The following B4GALNT3 variants were observed in gnomAD, a reference collection of about 807,000 sequenced individuals.
B4GALNT3 encodes the protein beta-1,4-N-acetylgalactosaminyltransferase 3.
A neutral mutation model predicts 120.2 loss-of-function variants in B4GALNT3; 86 were observed. The observed-to-expected ratio is 0.72, with a 90% confidence interval of 0.60 to 0.86. The LOEUF (loss-of-function observed/expected upper bound fraction) is 0.86. Among genes scored for constraint, B4GALNT3 ranks in the 40% least tolerant of loss-of-function variants. The probability of loss-of-function intolerance (pLI) is 0.00; values close to 1 mark genes in which losing one functional copy is unlikely to be tolerated. For missense variants in B4GALNT3, 1,167 were observed against 1,298.9 expected (o/e 0.90, Z 1.56); for synonymous variants, 518 against 510.4 (o/e 1.01, Z -0.20).
intron 19 of B4GALNT3, among the ~76,000 whole-genome samples, chr12:561,069 T>C (rs1299305321): frequency 1.3e-5 from 2 of 152,212 alleles, no homozygotes; most frequent in Non-Finnish European, 2.9e-5. Context: ...ATTAGATAGA[T>C]AGAATTCTAT....
chr12:467,274 T>TG (rs972749698), intron 1 of B4GALNT3, among the ~76,000 whole-genome samples: 1 of 152,124 alleles, frequency 6.6e-6, no homozygotes, highest in African/African-American at 2.4e-5. Context: ...ATAAAAATAA[T>TG]GCAGCCAGGT....
intron 1 of B4GALNT3, among the ~76,000 whole-genome samples, chr12:469,903 C>T (rs1044073677): frequency 2.4e-4 from 37 of 152,302 alleles, no homozygotes; most frequent in African/African-American, 8.7e-4. Flanking sequence ...CCTCCCACCT[C>T]AGCCTTCCAA....
chr12:549,652 C>T (rs1032700620), intron 9 of B4GALNT3, 117 bp from the exon 10 acceptor site: 46 of 1,317,698 alleles, frequency 3.5e-5, no homozygotes, highest in Admixed American at 2.0e-5. Flanking sequence ...GCACATCCTA[C>T]ACCGTCGCCG....
intron 1 of B4GALNT3, among the ~76,000 whole-genome samples, chr12:502,466 G>A (rs1946454209): frequency 6.6e-6 from 1 of 152,132 alleles, no homozygotes; most frequent in Non-Finnish European, 1.5e-5. Context: ...GGTTCCAAAT[G>A]ATGAGGACAG....
intron 1 of B4GALNT3, among the ~76,000 whole-genome samples, chr12:508,548 A>G (rs1946518715): frequency 6.6e-6 from 1 of 152,210 alleles, no homozygotes; most frequent in African/African-American, 2.4e-5. Context: ...TGTTTAAATT[A>G]TACCCGAGGT....
intron 1 of B4GALNT3, among the ~76,000 whole-genome samples, chr12:508,297 G>A (rs916052579): frequency 3.3e-5 from 5 of 152,050 alleles, no homozygotes; most frequent in Admixed American, 3.3e-4. Flanking sequence ...TTTAGACAGG[G>A]TCTTGCTCCA....
chr12:555,436 G>C, intron 14 of B4GALNT3: 1 of 452,874 alleles, frequency 2.2e-6, no homozygotes, highest in Non-Finnish European at 4.4e-6. Flanking sequence ...CCTCGATATT[G>C]CTGAGTAATA....
At chr12:515,299 G>T (rs1178285212) in intron 1 of B4GALNT3, among the ~76,000 whole-genome samples, 1 of 151,964 alleles carries the variant, frequency 6.6e-6, no homozygotes. Context: ...CGGTTCTCCT[G>T]CCTCAGCCTC....
At chr12:492,624 T>G (rs560859626) in intron 1 of B4GALNT3, among the ~76,000 whole-genome samples, 2 of 152,260 alleles carry the variant, frequency 1.3e-5, no homozygotes, top group African/African-American at 4.8e-5. Flanking sequence ...ATTCTAAAAT[T>G]TATATGGAGA....
At chr12:469,941 C>G (rs951150901) in intron 1 of B4GALNT3, among the ~76,000 whole-genome samples, 1 of 152,110 alleles carries the variant, frequency 6.6e-6, no homozygotes, top group Non-Finnish European at 1.5e-5. Context: ...CATGAGCCAC[C>G]GCGCATGGCC....
At chr12:546,294 G>T (rs934473170) in intron 6 of B4GALNT3, among the ~76,000 whole-genome samples, 1 of 150,990 alleles carries the variant, frequency 6.6e-6, no homozygotes, top group Non-Finnish European at 1.5e-5. Flanking sequence ...CAGAGAGTGC[G>T]GACAGGGAGG....
chr12:543,167 G>T (rs1449236195), intron 3 of B4GALNT3: 7 of 1,289,520 alleles, frequency 5.4e-6, no homozygotes, highest in Non-Finnish European at 7.1e-6. Context: ...AGCAGACCTT[G>T]TCCCCAAGGC....
chr12:470,597 G>A (rs901117127), intron 1 of B4GALNT3, among the ~76,000 whole-genome samples: 3 of 152,256 alleles, frequency 2.0e-5, no homozygotes. Context: ...AAGGGCAGTG[G>A]AGATGGGCAG....
intron 1 of B4GALNT3, among the ~76,000 whole-genome samples, chr12:462,308 T>C (rs1007496306): frequency 6.6e-6 from 1 of 151,508 alleles, no homozygotes; most frequent in Non-Finnish European, 1.5e-5. Flanking sequence ...GGCAGTTGCT[T>C]TGTGACCTTG....
chr12:499,041 G>A (rs1432225836), intron 1 of B4GALNT3, among the ~76,000 whole-genome samples: 1 of 152,200 alleles, frequency 6.6e-6, no homozygotes, highest in Non-Finnish European at 1.5e-5. Context: ...AAAATCTGGT[G>A]GGGTATTCTA....
chr12:534,282 G>A (rs1224593057), intron 1 of B4GALNT3, among the ~76,000 whole-genome samples: 2 of 152,164 alleles, frequency 1.3e-5, no homozygotes, highest in Admixed American at 6.5e-5. Flanking sequence ...AGTGGTCTAC[G>A]GTTCTGGTTT....
chr12:511,920 C>G (rs1946575303), intron 1 of B4GALNT3, among the ~76,000 whole-genome samples: 1 of 136,738 alleles, frequency 7.3e-6, no homozygotes, highest in South Asian at 2.7e-4. Context: ...GACCTTCTTC[C>G]ACCTTCCACC....
At chr12:496,284 G>A (rs1290030273) in intron 1 of B4GALNT3, among the ~76,000 whole-genome samples, 2 of 152,128 alleles carry the variant, frequency 1.3e-5, no homozygotes, top group African/African-American at 4.8e-5. Context: ...AAAAAATTGA[G>A]CTGGATTTCA....
At chr12:519,506 G>A (rs1216258557) in intron 1 of B4GALNT3, among the ~76,000 whole-genome samples, 9 of 152,004 alleles carry the variant, frequency 5.9e-5, no homozygotes, top group Non-Finnish European at 1.3e-4. Context: ...GCAGAACGCG[G>A]CTCAGTGGCA....
Sources: gnomAD v4.1 joint callset for allele counts (sites outside exome capture counted in the v4.1 genomes callset) on GRCh38, gnomAD v4.1.1 for gene constraint, MANE v1.5 for transcripts, NCBI Gene and HGNC (gene_info 2026-07-23, HGNC 2026-07-21) for gene names.